The following LDLRAD3 variants were observed in gnomAD, a reference collection of about 807,000 sequenced individuals.
LDLRAD3 encodes the protein low-density lipoprotein receptor class A domain-containing protein 3.
A neutral mutation model predicts 29.4 loss-of-function variants in LDLRAD3; 20 were observed. That is an observed-to-expected ratio of 0.68 (90% confidence interval 0.48 to 0.99). The LOEUF (loss-of-function observed/expected upper bound fraction) is 0.99. Ranked by LOEUF, LDLRAD3 falls within the 50% of genes least tolerant of loss-of-function variation. LDLRAD3 has a pLI of 0.00. For synonymous variants in LDLRAD3, 157 were observed against 192.7 expected, an observed-to-expected ratio of 0.81 and a Z score of 1.53; for missense variants, 420 against 454.3, an observed-to-expected ratio of 0.92 and a Z score of 0.69.
intron 1 of LDLRAD3, among the ~76,000 whole-genome samples, chr11:35,975,382 G>C (rs1851462915): frequency 6.6e-6 from 1 of 152,170 alleles, no homozygotes; most frequent in Non-Finnish European, 1.5e-5. Flanking sequence ...GAGTGTTTGA[G>C]TTGCTGATGG....
chr11:36,014,408 A>T lies in LDLRAD3; in HGVS notation c.47-21695A>T, dbSNP rs147734976. Among the ~76,000 whole-genome samples the T allele has an allele frequency of 1.3e-4, 20 of 152,322 alleles. No individual in the cohort carries two copies. The East Asian group carries it at 3.9e-3, about 29-fold the overall frequency. ...CTGTGTAACACCATTATGGGAAATG[A>T]TAACTTCTGTTGTGCCCAAGGAATG... On this transcript the variant is annotated intron_variant, in intron 1 of 5. Coordinates refer to ENST00000315571, the MANE Select transcript of LDLRAD3 (RefSeq NM_174902.4).
chr11:35,947,876 C>T (rs1851078580), intron 1 of LDLRAD3, among the ~76,000 whole-genome samples: 1 of 152,188 alleles, frequency 6.6e-6, no homozygotes, highest in Non-Finnish European at 1.5e-5. Flanking sequence ...ATGAATGCTC[C>T]CCCTCCCCAA....
chr11:36,138,244 G>A (rs1854030807), intron 4 of LDLRAD3, among the ~76,000 whole-genome samples: 1 of 152,238 alleles, frequency 6.6e-6, no homozygotes, highest in African/African-American at 2.4e-5. Context: ...TTTCTGAAAG[G>A]CAAGTAAATG....
At chr11:35,955,585 T>A (rs962517854) in intron 1 of LDLRAD3, among the ~76,000 whole-genome samples, 1 of 152,194 alleles carries the variant, frequency 6.6e-6, no homozygotes, top group African/African-American at 2.4e-5. Flanking sequence ...TGGTATCATA[T>A]AAGTAATTTC....
At chr11:36,116,972 G>A (rs942375792) in intron 4 of LDLRAD3, among the ~76,000 whole-genome samples, 2 of 151,770 alleles carry the variant, frequency 1.3e-5, no homozygotes, top group Non-Finnish European at 2.9e-5. Context: ...CTCCTGAGTA[G>A]CTGGGACTAC....
At chr11:35,950,954 G>A (rs11033340) in intron 1 of LDLRAD3, among the ~76,000 whole-genome samples, 2,416 of 152,064 alleles carry the variant, frequency 0.016, 28 homozygotes, top group Non-Finnish European at 0.025. Context: ...GTGGTGGCAC[G>A]CACCTGTAAT....
At chr11:36,070,113 G>C (rs1372878227) in intron 2 of LDLRAD3, among the ~76,000 whole-genome samples, 1 of 152,182 alleles carries the variant, frequency 6.6e-6, no homozygotes, top group Non-Finnish European at 1.5e-5. Context: ...ATCACAGAGA[G>C]AGCCTGTCAG....
At chr11:36,222,757 G>A (rs1855447267) in intron 4 of LDLRAD3, among the ~76,000 whole-genome samples, 1 of 152,156 alleles carries the variant, frequency 6.6e-6, no homozygotes, top group African/African-American at 2.4e-5. Context: ...CTAGAAGGCT[G>A]TCGTGATAAC....
Position 36,229,620 on chromosome 11 carries a change from T to G in LDLRAD3, c.*223T>G. The G allele has an allele frequency of 4.1e-6, 2 of 485,812 alleles. No individual in the cohort carries two copies. The highest frequency in any genetic ancestry group is 4.5e-5 in the South Asian group (1 of 22,278). The allele number at this position is 485,812 out of a possible 1,614,324, so 30.1% of individuals were successfully genotyped here. A position where few individuals can be genotyped will look rare whatever the true frequency, so the allele number is the denominator to read the frequency against. ...TTGTGCGTCTTTTCTGTCAGGTCAC[T>G]CTTCCCTTGGGACCCGAGATCACAC... is the stretch of plus-strand genomic sequence containing the variant. On this transcript the variant is annotated 3_prime_UTR_variant, in exon 6 of 6. Coordinates refer to ENST00000315571, the MANE Select transcript of LDLRAD3 (RefSeq NM_174902.4).
intron 4 of LDLRAD3, among the ~76,000 whole-genome samples, chr11:36,135,559 AT>A (rs1253235081): frequency 6.6e-6 from 1 of 152,194 alleles, no homozygotes; most frequent in Non-Finnish European, 1.5e-5. Flanking sequence ...CCCAGGTAAA[AT>A]GAAGTCAAAC....
At chr11:36,001,758 CGTGTGTGTGTGT>C (rs3220787) in intron 1 of LDLRAD3, among the ~76,000 whole-genome samples, 3,194 of 148,426 alleles carry the variant, frequency 0.022, 110 homozygotes, top group African/African-American at 0.072. Flanking sequence ...ATATTGTATA[CGTGTGTGTGTGT>C]GTGTGTGTGT....
At chr11:36,208,744 A>G (rs1489104649) in intron 4 of LDLRAD3, among the ~76,000 whole-genome samples, 1 of 143,948 alleles carries the variant, frequency 6.9e-6, no homozygotes, top group Non-Finnish European at 1.5e-5. Flanking sequence ...AATTATTGAA[A>G]TGTAGAAGGA....
At chr11:36,057,327 G>T (rs974882390) in intron 2 of LDLRAD3, among the ~76,000 whole-genome samples, 16 of 150,566 alleles carry the variant, frequency 1.1e-4, no homozygotes, top group Non-Finnish European at 2.1e-4. Flanking sequence ...TTCGCCGGGG[G>T]AGCCTAATCT....
intron 2 of LDLRAD3, among the ~76,000 whole-genome samples, chr11:36,068,253 A>G (rs968450062): frequency 6.6e-6 from 1 of 152,196 alleles, no homozygotes; most frequent in Non-Finnish European, 1.5e-5. Flanking sequence ...CATTTTTCTC[A>G]GGACTAGCCG....
intron 1 of LDLRAD3, among the ~76,000 whole-genome samples, chr11:35,991,806 C>T (rs974137614): frequency 4.6e-5 from 7 of 151,154 alleles, no homozygotes; most frequent in Admixed American, 2.0e-4. Context: ...ATCAGCTTTT[C>T]GATAGCTACA....
At chr11:36,113,857 A>G (rs1229247759) in intron 4 of LDLRAD3, among the ~76,000 whole-genome samples, 2 of 152,098 alleles carry the variant, frequency 1.3e-5, no homozygotes, top group Non-Finnish European at 2.9e-5. Context: ...TATTTTTAGT[A>G]GAGACGGAGT....
intron 4 of LDLRAD3, among the ~76,000 whole-genome samples, chr11:36,119,066 T>TTAGTGTAGTAAAA (rs1429350116): frequency 2.6e-5 from 4 of 152,052 alleles, no homozygotes; most frequent in African/African-American, 9.7e-5. Flanking sequence ...TGGGGAATTG[T>TTAGTGTAGTAAAA]TAGTGTAGTA....
intron 2 of LDLRAD3, among the ~76,000 whole-genome samples, chr11:36,052,838 A>G (rs1003536945): frequency 6.6e-6 from 1 of 152,240 alleles, no homozygotes; most frequent in Non-Finnish European, 1.5e-5. Flanking sequence ...TCCTTGGACC[A>G]TAAAGAAAAA....
At chr11:36,167,424 G>T (rs1854530592) in intron 4 of LDLRAD3, among the ~76,000 whole-genome samples, 1 of 152,170 alleles carries the variant, frequency 6.6e-6, no homozygotes, top group Non-Finnish European at 1.5e-5. Flanking sequence ...TCACGATGAG[G>T]TCATACTGGA....
Sources: gnomAD v4.1 joint callset for allele counts (sites outside exome capture counted in the v4.1 genomes callset) on GRCh38, gnomAD v4.1.1 for gene constraint, MANE v1.5 for transcripts, NCBI Gene and HGNC (gene_info 2026-07-23, HGNC 2026-07-21) for gene names.